The following SHISA6 variants were observed in gnomAD, a reference collection of about 807,000 sequenced individuals.
SHISA6 encodes the protein protein shisa-6.
A neutral mutation model predicts 47.9 loss-of-function variants in SHISA6; 22 were observed. The ratio of observed to expected loss-of-function variants is 0.46; its 90% confidence interval spans 0.33 to 0.66. The LOEUF is 0.66. Ranked by LOEUF, SHISA6 falls within the 30% of genes least tolerant of loss-of-function variation. The probability of loss-of-function intolerance (pLI) is 0.02; values close to 1 mark genes in which losing one functional copy is unlikely to be tolerated. For synonymous variants in SHISA6, 388 were observed against 337.8 expected (o/e 1.15, Z -1.63); for missense variants, 680 against 764.6 (o/e 0.89, Z 1.30).
chr17:11,307,110 ATATT>A (rs532972876), intron 2 of SHISA6, among the ~76,000 whole-genome samples: 2 of 148,398 alleles, frequency 1.3e-5, no homozygotes, highest in African/African-American at 4.9e-5. Context: ...ACAGTGCCAT[ATATT>A]TATTTATTTA....
intron 3 of SHISA6, among the ~76,000 whole-genome samples, chr17:11,453,626 T>C (rs1915459521): frequency 6.6e-6 from 1 of 152,266 alleles, no homozygotes; most frequent in Admixed American, 6.5e-5. Flanking sequence ...ACTTCTTTTC[T>C]CTTTTCTACT....
intron 3 of SHISA6, among the ~76,000 whole-genome samples, chr17:11,463,420 C>A (rs1423227271): frequency 6.6e-6 from 1 of 151,984 alleles, no homozygotes; most frequent in Non-Finnish European, 1.5e-5. Context: ...TGAAGAACAA[C>A]AAGAAAATAA....
rs569266861 is a variant in SHISA6 at position 11,476,983 on chromosome 17, G to C, written c.896-74913G>C. On this transcript the variant is annotated intron_variant, in intron 3 of 5. Transcript: ENST00000441885. ...CATTAAAAACTGTTACGTCTTCTTT[G>C]AGAAGTGGTCCTTTTATTTTTATGT... Among the ~76,000 whole-genome samples the C allele has an allele frequency of 2.0e-5, 3 of 152,216 alleles. No homozygotes were observed. The South Asian group carries it at 6.2e-4, about 32-fold the overall frequency.
At chr17:11,282,290 A>G (rs1255004185) in intron 2 of SHISA6, among the ~76,000 whole-genome samples, 1 of 152,182 alleles carries the variant, frequency 6.6e-6, no homozygotes, top group East Asian at 1.9e-4. Context: ...GATTTTTAAC[A>G]TCAGAGTAGA....
intron 2 of SHISA6, among the ~76,000 whole-genome samples, chr17:11,315,944 G>A (rs1910496900): frequency 6.6e-6 from 1 of 152,134 alleles, no homozygotes; most frequent in Non-Finnish European, 1.5e-5. Flanking sequence ...ATGCTCTGAA[G>A]TGGTTTAAAT....
chr17:11,540,574 A>C (rs1471492865), intron 3 of SHISA6, among the ~76,000 whole-genome samples: 1 of 152,168 alleles, frequency 6.6e-6, no homozygotes, highest in Non-Finnish European at 1.5e-5. Context: ...CATCCTGCTA[A>C]CACTTTTGAA....
intron 2 of SHISA6, among the ~76,000 whole-genome samples, chr17:11,355,343 C>T (rs954519275): frequency 6.6e-6 from 1 of 152,224 alleles, no homozygotes; most frequent in African/African-American, 2.4e-5. Flanking sequence ...CTCCCTTTAC[C>T]TTGTACATAG....
At chr17:11,475,584 T>C (rs1249465579) in intron 3 of SHISA6, among the ~76,000 whole-genome samples, 3 of 152,120 alleles carry the variant, frequency 2.0e-5, no homozygotes, top group Admixed American at 2.0e-4. Flanking sequence ...GATTAGTTAA[T>C]TGGTTTTTTA....
intron 2 of SHISA6, among the ~76,000 whole-genome samples, chr17:11,374,574 A>T (rs547483028): frequency 6.6e-6 from 1 of 152,094 alleles, no homozygotes; most frequent in African/African-American, 2.4e-5. Context: ...TATTTAGTGA[A>T]AAGTCTGGAC....
chr17:11,301,651 C>G (rs1021753546), intron 2 of SHISA6, among the ~76,000 whole-genome samples: 4 of 152,280 alleles, frequency 2.6e-5, no homozygotes, highest in African/African-American at 9.6e-5. Context: ...CAGAAAACTT[C>G]CCACTCTTAC....
intron 2 of SHISA6, among the ~76,000 whole-genome samples, chr17:11,356,658 A>G (rs1912088321): frequency 6.6e-6 from 1 of 152,104 alleles, no homozygotes. Context: ...TGAGCCGCCA[A>G]CAGGACAGCA....
At chr17:11,368,589 A>G (rs984768871) in intron 2 of SHISA6, among the ~76,000 whole-genome samples, 1 of 152,146 alleles carries the variant, frequency 6.6e-6, no homozygotes, top group African/African-American at 2.4e-5. Flanking sequence ...CTATTTATCA[A>G]ATAACTGTAA....
chr17:11,252,483 G>A (rs929702074), intron 1 of SHISA6, among the ~76,000 whole-genome samples: 1 of 152,144 alleles, frequency 6.6e-6, no homozygotes, highest in Non-Finnish European at 1.5e-5. Flanking sequence ...ATTCTGAAAG[G>A]CTTGGCGGAG....
At chr17:11,338,104 T>A (rs762011411) in intron 2 of SHISA6, among the ~76,000 whole-genome samples, 1 of 152,084 alleles carries the variant, frequency 6.6e-6, no homozygotes, top group Non-Finnish European at 1.5e-5. Flanking sequence ...CAGGGGAGAA[T>A]CAGCTGGACT....
At chr17:11,361,030 A>G (rs559719711) in intron 2 of SHISA6, among the ~76,000 whole-genome samples, 1 of 94,460 alleles carries the variant, frequency 1.1e-5, no homozygotes, top group East Asian at 3.7e-4. Context: ...TAAGTTTACT[A>G]TGATCTTTTT....
chr17:11,354,644 A>G (rs933037194), intron 2 of SHISA6, among the ~76,000 whole-genome samples: 1 of 152,172 alleles, frequency 6.6e-6, no homozygotes, highest in Non-Finnish European at 1.5e-5. Context: ...GAGCTCACAC[A>G]TCAGCCAAGG....
intron 2 of SHISA6, among the ~76,000 whole-genome samples, 178 bp downstream of exon 2, chr17:11,263,704 G>C (rs543385926): frequency 2.6e-5 from 4 of 152,286 alleles, no homozygotes; most frequent in Admixed American, 1.3e-4. Context: ...GAATGGGCAA[G>C]ACTGCTGCCG....
chr17:11,525,758 G>A (rs2071674205), intron 3 of SHISA6, among the ~76,000 whole-genome samples: 1 of 151,038 alleles, frequency 6.6e-6, no homozygotes, highest in African/African-American at 2.4e-5. Flanking sequence ...GCTCGCACCT[G>A]TAATCCCAGC....
chr17:11,245,810 A>G (rs925056959), intron 1 of SHISA6, among the ~76,000 whole-genome samples: 12 of 152,078 alleles, frequency 7.9e-5, no homozygotes, highest in African/African-American at 2.7e-4. Flanking sequence ...AACAGGAAAA[A>G]GTATTAGGAG....
Sources: allele counts gnomAD v4.1 joint callset (sites outside exome capture counted in the v4.1 genomes callset), GRCh38; gene constraint gnomAD v4.1.1; transcripts MANE v1.5; gene names NCBI Gene and HGNC (gene_info 2026-07-23, HGNC 2026-07-21).